The following CPA6 variants were observed in gnomAD, a reference collection of about 807,000 sequenced individuals.
CPA6 encodes the protein carboxypeptidase A6, also known as carboxypeptidase B.
CPA6 carries 58 observed loss-of-function variants against 63.3 expected under a neutral mutation model. That is an observed-to-expected ratio of 0.92 (90% CI 0.74 to 1.14). The LOEUF is 1.14. Ranked by LOEUF, CPA6 falls within the 50% of genes most tolerant of loss-of-function variation. The pLI is 0.00. For missense variants in CPA6, 565 were observed against 526.6 expected, an observed-to-expected ratio of 1.07 and a Z score of -0.71; for synonymous variants, 185 against 179.0, an observed-to-expected ratio of 1.03 and a Z score of -0.27.
At chr8:67,560,415 T>C (rs1813179773) in intron 2 of CPA6, among the ~76,000 whole-genome samples, 1 of 152,140 alleles carries the variant, frequency 6.6e-6, no homozygotes, top group Non-Finnish European at 1.5e-5. Flanking sequence ...ATACAAAGCT[T>C]TCAAAGGTAG....
At chr8:67,602,595 T>A (rs1409996585) in intron 2 of CPA6, among the ~76,000 whole-genome samples, 2 of 152,238 alleles carry the variant, frequency 1.3e-5, no homozygotes, top group African/African-American at 4.8e-5. Context: ...AAAGGCTTCC[T>A]TCCTGTCCCT....
chr8:67,531,151 A>G (rs1812469181), intron 2 of CPA6, among the ~76,000 whole-genome samples: 1 of 152,198 alleles, frequency 6.6e-6, no homozygotes, highest in Non-Finnish European at 1.5e-5. Flanking sequence ...TGTAGTTCTC[A>G]ATGTATGTAG....
chr8:67,656,136 C>T (rs188756715), intron 1 of CPA6, among the ~76,000 whole-genome samples: 36 of 152,174 alleles, frequency 2.4e-4, no homozygotes, highest in African/African-American at 6.7e-4. Flanking sequence ...CTCCTTTGCC[C>T]AGACTCTAAA....
chr8:67,450,086 G>C (rs971165180), intron 8 of CPA6, among the ~76,000 whole-genome samples: 1 of 150,272 alleles, frequency 6.7e-6, no homozygotes, highest in African/African-American at 2.5e-5. Context: ...AAAGTGCTGG[G>C]ATTACAGGCA....
intron 2 of CPA6, among the ~76,000 whole-genome samples, chr8:67,592,153 T>G (rs1814146542): frequency 6.6e-6 from 1 of 152,214 alleles, no homozygotes; most frequent in African/African-American, 2.4e-5. Flanking sequence ...ATCACGTGGT[T>G]TTTGTCTTTG....
intron 2 of CPA6, among the ~76,000 whole-genome samples, chr8:67,528,905 G>A (rs888175825): frequency 2.0e-5 from 3 of 151,490 alleles, no homozygotes; most frequent in African/African-American, 7.3e-5. Context: ...TTCTGCCAAG[G>A]ACAGGAGAGA....
At chr8:67,434,668 C>T (rs1231307263) in intron 8 of CPA6, among the ~76,000 whole-genome samples, 1 of 152,236 alleles carries the variant, frequency 6.6e-6, no homozygotes. Context: ...GTGGCTCCCT[C>T]GCTTGGCAAC....
At chr8:67,450,107 C>T (rs578030981) in intron 8 of CPA6, among the ~76,000 whole-genome samples, 13 of 150,076 alleles carry the variant, frequency 8.7e-5, no homozygotes, top group East Asian at 4.0e-4. Flanking sequence ...TGAGCCACCG[C>T]GCCTGGCCAC....
intron 2 of CPA6, among the ~76,000 whole-genome samples, chr8:67,556,887 C>T (rs1168175233): frequency 6.6e-6 from 1 of 152,202 alleles, no homozygotes; most frequent in Non-Finnish European, 1.5e-5. Flanking sequence ...GCACCTGGAC[C>T]GTGAGGAGAA....
At chr8:67,697,855 G>A (rs911659199) in intron 1 of CPA6, among the ~76,000 whole-genome samples, 7 of 151,974 alleles carry the variant, frequency 4.6e-5, no homozygotes, top group African/African-American at 1.2e-4. Flanking sequence ...ACATTTGTAC[G>A]TGTCAATAAA....
At chr8:67,511,154 G>A (rs1812035267) in intron 4 of CPA6, among the ~76,000 whole-genome samples, 1 of 152,202 alleles carries the variant, frequency 6.6e-6, no homozygotes, top group Non-Finnish European at 1.5e-5. Context: ...ACTTTGCAGA[G>A]GGTACAAGTA....
intron 2 of CPA6, among the ~76,000 whole-genome samples, chr8:67,575,772 T>C (rs2128977316): frequency 6.6e-6 from 1 of 151,302 alleles, no homozygotes; most frequent in Admixed American, 6.6e-5. Flanking sequence ...GCAGGAGAAT[T>C]GCTTGAATCC....
intron 8 of CPA6, among the ~76,000 whole-genome samples, chr8:67,479,776 G>C (rs558059506): frequency 6.6e-6 from 1 of 152,166 alleles, no homozygotes. Flanking sequence ...TTCAGTTTAG[G>C]TCCTCAGCTA....
chr8:67,491,242 T>TC (rs397892539), intron 6 of CPA6, among the ~76,000 whole-genome samples: 7 of 150,494 alleles, frequency 4.7e-5, no homozygotes, highest in East Asian at 1.9e-4. Context: ...TTTTTTTTTT[T>TC]CAAAGGGGAG....
At chr8:67,505,744 G>C (rs1185191914) in intron 6 of CPA6, among the ~76,000 whole-genome samples, 1 of 152,160 alleles carries the variant, frequency 6.6e-6, no homozygotes, top group African/African-American at 2.4e-5. Flanking sequence ...GGTAGTGGCA[G>C]AGATATTTTG....
intron 2 of CPA6, among the ~76,000 whole-genome samples, chr8:67,543,774 C>CTATT (rs1554672724): frequency 6.8e-6 from 1 of 146,798 alleles, no homozygotes; most frequent in Non-Finnish European, 1.5e-5. Flanking sequence ...TCCCCCTCCA[C>CTATT]TATTATTATT....
intron 1 of CPA6, among the ~76,000 whole-genome samples, chr8:67,661,216 C>G (rs1425329232): frequency 2.6e-5 from 4 of 152,134 alleles, no homozygotes; most frequent in Non-Finnish European, 2.9e-5. Context: ...AGAGGAAAGC[C>G]ACATGGACCT....
chr8:67,491,248 G>A lies in CPA6; in HGVS notation c.637-6459C>T, dbSNP rs556636915. ...GTTTTTTTTTTTTTTTTTTTCAAAG[G>A]GGAGCTTAATCTATAAAGATAGCTG... On this transcript the variant is annotated intron_variant, in intron 6 of 10. Coordinates refer to ENST00000297770, the MANE Select transcript of CPA6 (RefSeq NM_020361.5). Among the ~76,000 whole-genome samples the A allele has an allele frequency of 7.5e-5, 11 of 146,538 alleles. No individual in the cohort carries two copies. The East Asian group carries it at 2.2e-3, about 30-fold the overall frequency.
rs545063567 is a variant in CPA6 at position 67,654,556 on chromosome 8, G to A, written c.117-30305C>T. Among the ~76,000 whole-genome samples, 70 of 152,168 alleles carry A rather than the reference G, an allele frequency of 4.6e-4. 1 individual carries two copies. The highest frequency in any genetic ancestry group is 1.7e-3 in the African/African-American group (69 of 41,520). ...AGAGGTGTTTGTAGTATTCTCTGAT[G>A]GTAGTTTGTATTTCTGTGGGATCGG... On this transcript the variant is annotated intron_variant, in intron 1 of 10. Coordinates refer to ENST00000297770, the MANE Select transcript of CPA6 (RefSeq NM_020361.5).
Sources: allele counts gnomAD v4.1 joint callset (sites outside exome capture counted in the v4.1 genomes callset), GRCh38; gene constraint gnomAD v4.1.1; transcripts MANE v1.5; gene names NCBI Gene and HGNC (gene_info 2026-07-23, HGNC 2026-07-21).